Variants in KLHL32 observed in about 807,000 individuals in gnomAD.
The protein encoded by KLHL32 is kelch-like protein 32.
KLHL32 carries 35 observed loss-of-function variants against 64.8 expected under a neutral mutation model. The observed-to-expected ratio is 0.54, with a 90% CI of 0.41 to 0.72. The LOEUF (loss-of-function observed/expected upper bound fraction) is 0.72. Among genes scored for constraint, KLHL32 ranks in the 30% least tolerant of loss-of-function variants. KLHL32 has a pLI of 0.00. For synonymous variants in KLHL32, 259 were observed against 281.0 expected (o/e 0.92, Z 0.78); for missense variants, 589 against 768.5 (o/e 0.77, Z 2.76).
intron 8 of KLHL32, 101 bp downstream of exon 8, chr6:97,127,563 G>T: frequency 1.1e-6 from 1 of 923,386 alleles, no homozygotes; most frequent in Non-Finnish European, 1.7e-6. Flanking sequence ...ACACAGATAT[G>T]CATCTTTAGC....
intron 6 of KLHL32, among the ~76,000 whole-genome samples, chr6:97,098,921 G>C (rs1795337476): frequency 6.6e-6 from 1 of 152,178 alleles, no homozygotes; most frequent in Non-Finnish European, 1.5e-5. Flanking sequence ...AATAGTTTTT[G>C]CTATTAGAAA....
intron 2 of KLHL32, among the ~76,000 whole-genome samples, chr6:96,972,891 G>A (rs573763325): frequency 1.3e-5 from 2 of 152,144 alleles, no homozygotes; most frequent in East Asian, 1.9e-4. Context: ...TGAAGTGGGC[G>A]TGCTCCCTTC....
intron 6 of KLHL32, among the ~76,000 whole-genome samples, chr6:97,096,650 G>C (rs1377006235): frequency 1.3e-5 from 2 of 152,148 alleles, no homozygotes; most frequent in African/African-American, 4.8e-5. Flanking sequence ...TGGATTGGTG[G>C]GTTCCAGTCC....
At position 97,140,198 on chromosome 6, in the gene KLHL32, A is replaced by G. The variant is rs1800531934; in HGVS notation, c.*916A>G. 1 of 151,454 alleles carries G rather than the reference A, an allele frequency of 6.6e-6. No homozygotes were observed. The highest frequency in any genetic ancestry group is 1.5e-5 in the Non-Finnish European group (1 of 67,814). 9.4% of individuals were successfully genotyped at this position (151,454 alleles called of 1,614,324 possible). A position where few individuals can be genotyped will look rare whatever the true frequency, so the allele number is the denominator to read the frequency against. On this transcript the variant is annotated 3_prime_UTR_variant, in exon 11 of 11. Coordinates refer to ENST00000369261, the MANE Select transcript of KLHL32 (RefSeq NM_052904.4). ...GGAAATAGGGAGTTTCTCAAAATCT[A>G]AACTTGTACAGGTATCTAAACTTGC...
At chr6:97,085,052 C>A in intron 5 of KLHL32, 74 bp from the exon 6 acceptor site, 1 of 1,301,658 alleles carries the variant, frequency 7.7e-7, no homozygotes, top group Non-Finnish European at 1.1e-6. Context: ...GTGAGTCAAT[C>A]TGAATTTCTT....
intron 8 of KLHL32, among the ~76,000 whole-genome samples, chr6:97,129,468 T>C (rs969656218): frequency 7.9e-5 from 12 of 152,354 alleles, no homozygotes; most frequent in Admixed American, 6.5e-4. Context: ...ATATTTGGTC[T>C]TCATTTAATT....
chr6:96,949,846 TG>T (rs1466551586), intron 1 of KLHL32, among the ~76,000 whole-genome samples: 1 of 152,144 alleles, frequency 6.6e-6, no homozygotes, highest in African/African-American at 2.4e-5. Context: ...GTAAATGGTT[TG>T]CCACTAATAA....
intron 3 of KLHL32, among the ~76,000 whole-genome samples, chr6:97,033,091 C>T (rs1474340907): frequency 6.6e-6 from 1 of 152,132 alleles, no homozygotes; most frequent in Non-Finnish European, 1.5e-5. Flanking sequence ...TAAGAGCTTG[C>T]CATATGTCAG....
At chr6:96,983,532 C>T (rs1292040116) in intron 3 of KLHL32, among the ~76,000 whole-genome samples, 3 of 152,302 alleles carry the variant, frequency 2.0e-5, no homozygotes, top group Non-Finnish European at 4.4e-5. Flanking sequence ...GGTTGGTAAG[C>T]TATTAATTGT....
intron 4 of KLHL32, among the ~76,000 whole-genome samples, chr6:97,042,257 T>C (rs1363146810): frequency 6.6e-6 from 1 of 152,196 alleles, no homozygotes; most frequent in Non-Finnish European, 1.5e-5. Context: ...TATGCTAAAA[T>C]GAAAGTGTCT....
intron 5 of KLHL32, among the ~76,000 whole-genome samples, 200 bp downstream of exon 5, chr6:97,064,926 A>G (rs973758587): frequency 2.6e-5 from 4 of 152,152 alleles, no homozygotes; most frequent in Non-Finnish European, 5.9e-5. Context: ...CAGAAGCAGG[A>G]GTCTTCCTCC....
intron 10 of KLHL32, 149 bp from the exon 11 acceptor site, chr6:97,138,972 C>T (rs946945603): frequency 3.5e-5 from 24 of 685,580 alleles, no homozygotes; most frequent in Non-Finnish European, 5.7e-5. Context: ...ATAAATATTT[C>T]TAGTACCATC....
At chr6:97,105,308 T>C in intron 6 of KLHL32, 1 of 389,608 alleles carries the variant, frequency 2.6e-6, no homozygotes, top group Admixed American at 3.1e-5. Flanking sequence ...TCCATTCTAT[T>C]AAAACACGCT....
At chr6:96,916,028 G>C in the KLHL32 span, among the ~76,000 whole-genome samples, 1 of 152,194 alleles carries the variant, frequency 6.6e-6, no homozygotes, top group Non-Finnish European at 1.5e-5. Flanking sequence ...ATTGAGTAAT[G>C]AATGATTCAC....
intron 3 of KLHL32, among the ~76,000 whole-genome samples, chr6:97,001,461 GGTTT>G (rs780094788): frequency 6.6e-6 from 1 of 151,942 alleles, no homozygotes; most frequent in Non-Finnish European, 1.5e-5. Context: ...GTTTTGTTTT[GGTTT>G]GTTTTTTTGT....
intron 3 of KLHL32, among the ~76,000 whole-genome samples, chr6:96,980,712 T>TA (rs558079193): frequency 1.4e-4 from 21 of 152,308 alleles, no homozygotes; most frequent in African/African-American, 4.8e-4. Flanking sequence ...CCTTAGTTTG[T>TA]AAAAGTAGTT....
At chr6:97,040,744 C>A in intron 3 of KLHL32, among the ~76,000 whole-genome samples, 1 of 152,250 alleles carries the variant, frequency 6.6e-6, no homozygotes, top group Middle Eastern at 3.4e-3. Context: ...AGGGAGAGAC[C>A]AGATGGAGGG....
At chr6:97,071,349 C>T (rs1790679331) in intron 5 of KLHL32, among the ~76,000 whole-genome samples, 1 of 152,130 alleles carries the variant, frequency 6.6e-6, no homozygotes, top group Non-Finnish European at 1.5e-5. Context: ...CTTTCCTGCT[C>T]CTCTCTTTCT....
chr6:97,117,599 T>G (rs767679957), intron 7 of KLHL32, among the ~76,000 whole-genome samples: 3 of 152,150 alleles, frequency 2.0e-5, no homozygotes, highest in Admixed American at 1.3e-4. Context: ...ATTAAAGATG[T>G]TAGAGTCGAA....
Sources: gnomAD v4.1 joint callset for allele counts (sites outside exome capture counted in the v4.1 genomes callset) on GRCh38, gnomAD v4.1.1 for gene constraint, MANE v1.5 for transcripts, NCBI Gene and HGNC (gene_info 2026-07-23, HGNC 2026-07-21) for gene names.